The following CTNNA3 variants were observed in gnomAD, a reference collection of about 807,000 sequenced individuals.
CTNNA3 encodes the protein catenin alpha-3.
A neutral mutation model predicts 95.7 loss-of-function variants in CTNNA3; 76 were observed. The ratio of observed to expected loss-of-function variants is 0.79; its 90% CI spans 0.66 to 0.96. CTNNA3 has a LOEUF of 0.96. Ranked by LOEUF, CTNNA3 falls within the 40% of genes least tolerant of loss-of-function variation. The probability of loss-of-function intolerance (pLI) is 0.00; values close to 1 mark genes in which losing one functional copy is unlikely to be tolerated. For missense variants in CTNNA3, 1,191 were observed against 1,089.8 expected, an observed-to-expected ratio of 1.09 and a Z score of -1.31; for synonymous variants, 431 against 374.4, an observed-to-expected ratio of 1.15 and a Z score of -1.74.
intron 7 of CTNNA3, among the ~76,000 whole-genome samples, chr10:66,886,115 G>C (rs1192152307): frequency 6.6e-6 from 1 of 151,976 alleles, no homozygotes; most frequent in African/African-American, 2.4e-5. Context: ...GATAAAAATG[G>C]GTTTAAAAGT....
intron 12 of CTNNA3, among the ~76,000 whole-genome samples, chr10:66,366,426 T>C (rs1268221083): frequency 1.3e-5 from 2 of 152,194 alleles, no homozygotes; most frequent in Admixed American, 1.3e-4. Context: ...AAAATTCATA[T>C]GTTAAAACCT....
intron 13 of CTNNA3, among the ~76,000 whole-genome samples, chr10:66,104,785 G>A (rs1387715721): frequency 6.6e-6 from 1 of 152,138 alleles, no homozygotes; most frequent in Non-Finnish European, 1.5e-5. Flanking sequence ...ACTGGAAATG[G>A]GCAGAGCCCA....
At chr10:66,205,858 A>C (rs1327049213) in intron 13 of CTNNA3, among the ~76,000 whole-genome samples, 1 of 151,984 alleles carries the variant, frequency 6.6e-6, no homozygotes. Context: ...TAAGAATAGT[A>C]AAGAAAAAAC....
In CTNNA3 at chr10:67,534,590, C is replaced by T. The variant is rs76179644; in HGVS notation, c.459+4913G>A. 4.3e-3 allele frequency among the ~76,000 whole-genome samples: 658 copies of T among 152,190 alleles called. 13 individuals are homozygous for T. The highest frequency in any genetic ancestry group is 0.015 in the African/African-American group (621 of 41,538). On this transcript the variant is annotated intron_variant, in intron 4 of 17. Coordinates refer to ENST00000433211, the MANE Select transcript of CTNNA3 (RefSeq NM_013266.4). ...TATTGTTGCAATATAGATATCCCTC[C>T]CTTCCGTCTTCCTGTAAGTTTCTGT...
intron 6 of CTNNA3, among the ~76,000 whole-genome samples, chr10:67,183,447 C>G (rs1015848650): frequency 6.6e-5 from 10 of 152,036 alleles, no homozygotes; most frequent in Admixed American, 1.3e-4. Flanking sequence ...GGACAAAAAA[C>G]CAAACACCGC....
At chr10:67,030,190 A>T (rs912688533) in intron 7 of CTNNA3, among the ~76,000 whole-genome samples, 1 of 152,222 alleles carries the variant, frequency 6.6e-6, no homozygotes, top group African/African-American at 2.4e-5. Context: ...GAAGTCAGAC[A>T]TTCATTTATT....
chr10:67,529,364 T>G (rs1490588961), intron 4 of CTNNA3, among the ~76,000 whole-genome samples: 4 of 151,910 alleles, frequency 2.6e-5, no homozygotes. Flanking sequence ...TTACCCTGAT[T>G]TGATCATTAC....
At chr10:66,811,327 CAA>C (rs1841865933) in intron 7 of CTNNA3, among the ~76,000 whole-genome samples, 1 of 151,976 alleles carries the variant, frequency 6.6e-6, no homozygotes, top group Non-Finnish European at 1.5e-5. Context: ...AGAAGAGAAA[CAA>C]AAGAGAACAA....
At chr10:66,857,096 AG>A (rs1337027970) in intron 7 of CTNNA3, among the ~76,000 whole-genome samples, 1 of 151,998 alleles carries the variant, frequency 6.6e-6, no homozygotes, top group Non-Finnish European at 1.5e-5. Flanking sequence ...GTATAAGGAA[AG>A]GGTCCAGTTT....
At chr10:66,513,034 A>G (rs972616511) in intron 11 of CTNNA3, among the ~76,000 whole-genome samples, 1 of 152,156 alleles carries the variant, frequency 6.6e-6, no homozygotes, top group Non-Finnish European at 1.5e-5. Context: ...CCCTATATCT[A>G]GATGATTATC....
At chr10:67,177,672 A>G (rs867097319) in intron 7 of CTNNA3, among the ~76,000 whole-genome samples, 3 of 152,290 alleles carry the variant, frequency 2.0e-5, no homozygotes, top group South Asian at 4.1e-4. Context: ...CTAGTTCCAG[A>G]AAAATGCATT....
intron 11 of CTNNA3, among the ~76,000 whole-genome samples, chr10:66,450,414 A>G (rs2093455911): frequency 6.6e-6 from 1 of 152,096 alleles, no homozygotes; most frequent in African/African-American, 2.4e-5. Context: ...ATAATATAGT[A>G]AGGCTTTAGA....
intron 15 of CTNNA3, among the ~76,000 whole-genome samples, chr10:66,048,162 A>G (rs1201001851): frequency 6.6e-6 from 1 of 152,214 alleles, no homozygotes; most frequent in Non-Finnish European, 1.5e-5. Context: ...GAGTCTGAAT[A>G]GCCAAGGCAA....
intron 9 of CTNNA3, among the ~76,000 whole-genome samples, chr10:66,730,167 A>G (rs1848914498): frequency 6.6e-6 from 1 of 152,062 alleles, no homozygotes; most frequent in African/African-American, 2.4e-5. Flanking sequence ...TCATTGCAGC[A>G]TGAGTCACAA....
chr10:67,567,058 T>C lies in CTNNA3; in HGVS notation c.293-27389A>G, dbSNP rs553716070. Among the ~76,000 whole-genome samples, 118 of 145,304 alleles carry C rather than the reference T, an allele frequency of 8.1e-4. 1 individual carries two copies. The East Asian group carries it at 0.024, about 30-fold the overall frequency. ...AGGGGGGAGGGATAGCATTAGGAGA[T>C]ATACCTAATGCTAAATGACGAGTTA... On this transcript the variant is annotated intron_variant, in intron 3 of 17. Transcript: ENST00000433211.
intron 5 of CTNNA3, among the ~76,000 whole-genome samples, chr10:67,382,169 C>G (rs1162203902): frequency 6.6e-6 from 1 of 152,130 alleles, no homozygotes; most frequent in Non-Finnish European, 1.5e-5. Context: ...CCAAGTCTCT[C>G]AAGTTTTCCA....
At chr10:67,702,136 G>A (rs1841044787) in intron 1 of CTNNA3, among the ~76,000 whole-genome samples, 3 of 152,164 alleles carry the variant, frequency 2.0e-5, no homozygotes, top group African/African-American at 4.8e-5. Flanking sequence ...CAAGTCCTGA[G>A]TGACCTACAA....
intron 9 of CTNNA3, among the ~76,000 whole-genome samples, chr10:66,633,404 G>GGC (rs1248308180): frequency 6.6e-6 from 1 of 152,164 alleles, no homozygotes; most frequent in Non-Finnish European, 1.5e-5. Context: ...TACATGACCA[G>GGC]GTGCAGTGGC....
chr10:67,387,405 C>T (rs1237250437), intron 5 of CTNNA3, among the ~76,000 whole-genome samples: 1 of 152,136 alleles, frequency 6.6e-6, no homozygotes, highest in East Asian at 1.9e-4. Context: ...CTCGGAGGGT[C>T]CTACGCCCCA....
Sources: allele counts gnomAD v4.1 joint callset (sites outside exome capture counted in the v4.1 genomes callset), GRCh38; gene constraint gnomAD v4.1.1; transcripts MANE v1.5; gene names NCBI Gene and HGNC (gene_info 2026-07-23, HGNC 2026-07-21).